Variants in SLC15A5 observed in about 807,000 individuals in gnomAD.
SLC15A5 encodes solute carrier family 15 member 5.
In SLC15A5, 58 loss-of-function variants were observed where a neutral mutation model predicts 56.1. The ratio of observed to expected loss-of-function variants is 1.03; its 90% confidence interval spans 0.84 to 1.29. The LOEUF is 1.29. Ranked by LOEUF, SLC15A5 falls within the 50% of genes most tolerant of loss-of-function variation. SLC15A5 has a pLI of 0.00. For missense variants in SLC15A5, 681 were observed against 672.1 expected (o/e 1.01, Z -0.15); for synonymous variants, 264 against 250.5 (o/e 1.05, Z -0.51).
intron 2 of SLC15A5, among the ~76,000 whole-genome samples, chr12:16,264,542 T>C (rs532626222): frequency 6.6e-6 from 1 of 152,316 alleles, no homozygotes; most frequent in East Asian, 1.9e-4. Context: ...TGATTGGTTT[T>C]GAAATGTGAG....
chr12:16,276,844 A>G (rs1864825750), intron 1 of SLC15A5, among the ~76,000 whole-genome samples: 1 of 152,086 alleles, frequency 6.6e-6, no homozygotes, highest in South Asian at 2.1e-4. Flanking sequence ...TATAGAAATC[A>G]TGCCATCATA....
At chr12:16,239,426 G>C (rs1457376776) in intron 5 of SLC15A5, among the ~76,000 whole-genome samples, 1 of 152,162 alleles carries the variant, frequency 6.6e-6, no homozygotes, top group Non-Finnish European at 1.5e-5. Context: ...ATTTGGTAGT[G>C]CTGGAAATTT....
chr12:16,201,463 C>A (rs1863955290), intron 7 of SLC15A5, among the ~76,000 whole-genome samples: 1 of 152,030 alleles, frequency 6.6e-6, no homozygotes, highest in Non-Finnish European at 1.5e-5. Flanking sequence ...GACAAAGGTG[C>A]CAAGAACAGG....
rs1270629338 is a variant in SLC15A5 at position 16,205,606 on chromosome 12, CACACATATATATACACAT to C, written c.1484-11171_1484-11154del. 1.7e-3 allele frequency among the ~76,000 whole-genome samples: 182 copies of C among 109,498 alleles called. 1 individual carries two copies. The highest frequency in any genetic ancestry group is 8.1e-3 in the South Asian group (19 of 2,348). 71.8% of individuals were successfully genotyped at this position (109,498 alleles called of 152,430 possible). A position where few individuals can be genotyped will look rare whatever the true frequency, so the allele number is the denominator to read the frequency against. Reference sequence around the variant, plus strand: ...ATATATATATACATATACACACACACACACATATATATACACATATATATATACACATATATACACATG... The same window carrying C: ...ATATATATATACATATACACACACACATATATATACACATATATACACATG... On this transcript the variant is annotated intron_variant, in intron 7 of 8. Coordinates refer to ENST00000344941, the MANE Select transcript of SLC15A5 (RefSeq NM_001170798.1).
intron 7 of SLC15A5, 29 bp downstream of exon 7, chr12:16,216,864 A>G (rs1319212359): frequency 2.0e-6 from 3 of 1,527,270 alleles, no homozygotes; most frequent in Non-Finnish European, 2.6e-6. Context: ...AACTCAATGT[A>G]TATAAGCATG....
chr12:16,275,353 A>G (rs1192764690), intron 1 of SLC15A5, among the ~76,000 whole-genome samples: 1 of 152,098 alleles, frequency 6.6e-6, no homozygotes, highest in Non-Finnish European at 1.5e-5. Flanking sequence ...CAACAAGTCT[A>G]GAGAGGTGAA....
At chr12:16,224,332 C>T in intron 6 of SLC15A5, 82 bp downstream of exon 6, 1 of 1,331,070 alleles carries the variant, frequency 7.5e-7, no homozygotes, top group East Asian at 2.5e-5. Context: ...TGACATACCA[C>T]TTTAATTGTT....
intron 1 of SLC15A5, among the ~76,000 whole-genome samples, chr12:16,276,138 T>G (rs1436009812): frequency 6.6e-6 from 1 of 152,016 alleles, no homozygotes; most frequent in African/African-American, 2.4e-5. Flanking sequence ...TAAGAAATAT[T>G]TGTTGAATGT....
chr12:16,249,322 A>G (rs1289128167), intron 3 of SLC15A5, among the ~76,000 whole-genome samples: 2 of 152,118 alleles, frequency 1.3e-5, no homozygotes, highest in Admixed American at 6.6e-5. Flanking sequence ...TTTGAATTAC[A>G]GCTTTGAGGA....
intron 1 of SLC15A5, among the ~76,000 whole-genome samples, chr12:16,274,926 A>C (rs559225571): frequency 6.6e-6 from 1 of 152,232 alleles, no homozygotes; most frequent in East Asian, 1.9e-4. Context: ...AAACAATGAC[A>C]TATATGAAGA....
chr12:16,233,398 A>G (rs113333076), intron 5 of SLC15A5, among the ~76,000 whole-genome samples: 1 of 152,240 alleles, frequency 6.6e-6, no homozygotes, highest in African/African-American at 2.4e-5. Flanking sequence ...ATAAAATTTA[A>G]AATTATTTCT....
intron 3 of SLC15A5, among the ~76,000 whole-genome samples, chr12:16,255,205 T>C (rs1376602842): frequency 6.6e-6 from 1 of 151,724 alleles, no homozygotes; most frequent in African/African-American, 2.4e-5. Flanking sequence ...CAGAAAAAAA[T>C]GATAAAGATG....
chr12:16,258,780 A>C (rs1799491), intron 2 of SLC15A5, among the ~76,000 whole-genome samples: 73,334 of 151,664 alleles, frequency 0.48, 18,163 homozygotes, highest in Non-Finnish European at 0.54. Context: ...TGATCAACTC[A>C]AGTCAACTGA....
chr12:16,213,079 C>T (rs770310381), intron 7 of SLC15A5, among the ~76,000 whole-genome samples: 6 of 152,024 alleles, frequency 3.9e-5, no homozygotes, highest in Non-Finnish European at 7.4e-5. Flanking sequence ...CCTGATTGTA[C>T]CCATTTTGTA....
rs1225469673 is a variant in SLC15A5, at chr12:16,243,413, T to C, written c.975+1167A>G. The stretch of plus-strand genomic sequence containing the variant: ...TAGTAGAGACGGGGTTTCTCCATTT[T>C]GGTAAAGCTGGTTTCGAATTCCCGA... On this transcript the variant is annotated intron_variant, in intron 4 of 8. Coordinates refer to ENST00000344941, the MANE Select transcript of SLC15A5 (RefSeq NM_001170798.1). The surrounding 1 kb of genome is among the most constrained non-coding windows in gnomAD (Gnocchi z 4.4). 1.3e-5 allele frequency among the ~76,000 whole-genome samples: 2 copies of C among 152,110 alleles called. No individual in the cohort carries two copies. Among genetic ancestry groups the C allele is most frequent in the Non-Finnish European group, 2.9e-5 (2 of 68,026 alleles).
At chr12:16,247,239 A>G (rs1864470895) in intron 3 of SLC15A5, among the ~76,000 whole-genome samples, 3 of 152,204 alleles carry the variant, frequency 2.0e-5, no homozygotes. Context: ...TATCAGATAT[A>G]GTGATATGAA....
chr12:16,264,557 T>G (rs1424314554), intron 2 of SLC15A5, among the ~76,000 whole-genome samples: 1 of 152,146 alleles, frequency 6.6e-6, no homozygotes, highest in African/African-American at 2.4e-5. Flanking sequence ...TGTGAGGATA[T>G]GAGATTTGGG....
At chr12:16,233,821 T>G (rs1218945286) in intron 5 of SLC15A5, among the ~76,000 whole-genome samples, 1 of 152,202 alleles carries the variant, frequency 6.6e-6, no homozygotes, top group Non-Finnish European at 1.5e-5. Context: ...TGACTCAGAA[T>G]CTGCATTTAA....
rs11056852 is a variant in SLC15A5, at chr12:16,270,048, A to T, written c.584+2513T>A. On this transcript the variant is annotated intron_variant, in intron 2 of 8. Transcript: ENST00000344941. The stretch of plus-strand genomic sequence containing the variant: ...GACACAAGGATGTTGGCAGATTATT[A>T]TGTCTCTTGATTTCAGGGAGTTTAG... Among the ~76,000 whole-genome samples the T allele has an allele frequency of 2.0e-3, 302 of 152,286 alleles. 5 individuals are homozygous for T. The East Asian group carries it at 0.054, about 27-fold the overall frequency.
Sources: allele counts gnomAD v4.1 joint callset (sites outside exome capture counted in the v4.1 genomes callset), GRCh38; gene constraint gnomAD v4.1.1; non-coding constraint Gnocchi (gnomAD v3.1); transcripts MANE v1.5; gene names NCBI Gene and HGNC (gene_info 2026-07-23, HGNC 2026-07-21).